Variants in UNC79 observed in about 807,000 individuals in gnomAD.
UNC79 encodes protein unc-79 homolog.
In UNC79, 37 loss-of-function variants were observed where a neutral mutation model predicts 283.1. The ratio of observed to expected loss-of-function variants is 0.13; its 90% confidence interval spans 0.10 to 0.17. The LOEUF is 0.17. UNC79 is among the 10% of genes least tolerant of loss of function. UNC79 has a pLI of 1.00. For synonymous variants in UNC79, 1,107 were observed against 1,200.2 expected (o/e 0.92, Z 1.61); for missense variants, 2,272 against 3,211.1 (o/e 0.71, Z 7.07).
At chr14:93,458,650 C>G (rs1472236647) in intron 1 of UNC79, among the ~76,000 whole-genome samples, 1 of 152,106 alleles carries the variant, frequency 6.6e-6, no homozygotes, top group Non-Finnish European at 1.5e-5. Context: ...CTTGAAATTA[C>G]TTATTAGTGT....
chr14:93,551,231 A>G (rs925436263), intron 14 of UNC79, among the ~76,000 whole-genome samples: 6 of 152,094 alleles, frequency 3.9e-5, no homozygotes, highest in Admixed American at 6.6e-5. Flanking sequence ...CTGTATTTTT[A>G]GTAGAGACGG....
chr14:93,434,052 A>G (rs1039888684), intron 1 of UNC79, among the ~76,000 whole-genome samples: 1 of 152,054 alleles, frequency 6.6e-6, no homozygotes, highest in South Asian at 2.1e-4. Flanking sequence ...CATCTCTACT[A>G]AAAATACAAA....
Position 93,654,089 on chromosome 14 carries a change from G to A in UNC79, c.6282+64G>A, listed in dbSNP as rs2070632433. 2.1e-6 allele frequency: 3 copies of A among 1,456,050 alleles called. No homozygotes were observed. In the Admixed American group the frequency reaches 5.2e-5, roughly 25 times the overall value. The allele number at this position is 1,456,050 out of a possible 1,614,324, so 90.2% of individuals were successfully genotyped here. Reference sequence around the variant, plus strand: ...ACTCTAAGCCCCAGCACAACTGTGGGCTGTGTTTCTTTGAGTCACACCATA... The same window carrying A: ...ACTCTAAGCCCCAGCACAACTGTGGACTGTGTTTCTTTGAGTCACACCATA... On this transcript the variant is annotated intron_variant, in intron 37 of 48. Coordinates refer to ENST00000555664, the Ensembl canonical transcript of UNC79.
chr14:93,633,663 T>G (rs1484691044), intron 31 of UNC79, among the ~76,000 whole-genome samples: 3 of 152,200 alleles, frequency 2.0e-5, no homozygotes, highest in African/African-American at 7.2e-5. Context: ...TGGTAGGGAT[T>G]GGTGGGACTG....
At chr14:93,501,144 G>A (rs2059262614) in intron 7 of UNC79, among the ~76,000 whole-genome samples, 1 of 152,092 alleles carries the variant, frequency 6.6e-6, no homozygotes, top group Admixed American at 6.5e-5. Context: ...GGCCAACGTG[G>A]TGAAACCCTA....
In UNC79 at chr14:93,430,957, A is replaced by C. The variant is rs1186734557; in HGVS notation, c.-73A>C. On this transcript the variant is annotated 5_prime_UTR_variant, in exon 1 of 49. Coordinates refer to ENST00000555664, the Ensembl canonical transcript of UNC79. This position sits in a 1 kb window ranked among gnomAD's most constrained non-coding sequence, Gnocchi z 4.6. The stretch of plus-strand genomic sequence containing the variant: ...GGGGGGTATGCACTCTTTTCCTCGC[A>C]ACATCGCTGGCGGAGCGAGGGAGCT... The C allele has an allele frequency of 1.4e-6, 1 of 693,606 alleles. No homozygotes were observed. The highest frequency in any genetic ancestry group is 2.6e-6 in the Non-Finnish European group (1 of 379,612). 43.0% of individuals were successfully genotyped at this position (693,606 alleles called of 1,614,324 possible).
intron 7 of UNC79, among the ~76,000 whole-genome samples, chr14:93,511,123 A>G (rs2059802417): frequency 6.6e-6 from 1 of 152,152 alleles, no homozygotes; most frequent in Non-Finnish European, 1.5e-5. Context: ...GGTGCCACGC[A>G]CTTTTAGACA....
In UNC79 at chr14:93,584,845, C is replaced by T. The variant is rs370445490; in HGVS notation, c.2804-1751C>T. Among the ~76,000 whole-genome samples, 18 of 151,724 alleles carry T rather than the reference C, an allele frequency of 1.2e-4. 1 individual carries two copies. The South Asian group carries it at 3.6e-3, about 30-fold the overall frequency. ...CTGACTAGCTGGGACTACAGGCACC[C>T]ACCACCACTCTGGCTAAGTTTTTTT... is the stretch of plus-strand genomic sequence containing the variant. On this transcript the variant is annotated intron_variant, in intron 20 of 48. Transcript: ENST00000555664.
At chr14:93,472,590 C>T (rs1442374572) in intron 2 of UNC79, among the ~76,000 whole-genome samples, 1 of 152,030 alleles carries the variant, frequency 6.6e-6, no homozygotes, top group African/African-American at 2.4e-5. Flanking sequence ...CAAAGGAAAT[C>T]GAGGTAAATT....
chr14:93,573,469 C>G (rs560755752), intron 16 of UNC79, among the ~76,000 whole-genome samples: 1 of 152,240 alleles, frequency 6.6e-6, no homozygotes, highest in South Asian at 2.1e-4. Context: ...ATGGCACACG[C>G]TTGTATTTAA....
intron 35 of UNC79, among the ~76,000 whole-genome samples, chr14:93,652,485 C>T (rs1265043593): frequency 6.6e-6 from 1 of 152,182 alleles, no homozygotes; most frequent in African/African-American, 2.4e-5. Context: ...GTCTCCAACT[C>T]TTAGGCTCAT....
intron 23 of UNC79, among the ~76,000 whole-genome samples, chr14:93,594,789 G>A (rs1458836229): frequency 6.6e-6 from 1 of 152,236 alleles, no homozygotes; most frequent in South Asian, 2.1e-4. Context: ...TTCCATTCTC[G>A]GGGTAGCAGG....
Position 93,704,566 on chromosome 14 carries a change from G to A in UNC79, c.7549-59G>A, listed in dbSNP as rs1464385188. ...TGGCCTGTTTTCCCTTGCAATGAGC[G>A]AAGCTTTGTGGGAGAATAGAGGACA... is the stretch of plus-strand genomic sequence containing the variant. On this transcript the variant is annotated intron_variant, in intron 47 of 48. Transcript: ENST00000555664. The A allele has an allele frequency of 8.8e-6, 14 of 1,591,100 alleles. No individual in the cohort carries two copies. In the South Asian group the frequency reaches 1.1e-4, roughly 13 times the overall value.
At chr14:93,625,541 T>A (rs1411093492) in intron 30 of UNC79, among the ~76,000 whole-genome samples, 2 of 152,226 alleles carry the variant, frequency 1.3e-5, no homozygotes, top group Non-Finnish European at 2.9e-5. Flanking sequence ...CTCACACCCA[T>A]GGTCACATTG....
intron 41 of UNC79, among the ~76,000 whole-genome samples, chr14:93,681,461 T>C (rs960370067): frequency 1.2e-4 from 19 of 152,248 alleles, no homozygotes; most frequent in Admixed American, 1.2e-3. Flanking sequence ...GATAATATGC[T>C]GGTTTCTGTT....
intron 31 of UNC79, among the ~76,000 whole-genome samples, chr14:93,632,045 G>A (rs745651810): frequency 2.0e-5 from 3 of 152,196 alleles, no homozygotes; most frequent in Non-Finnish European, 1.5e-5. Context: ...TATAGATTAG[G>A]TAATTGAGAT....
chr14:93,348,761 G>C (rs2053921081), intron 1 of UNC79, among the ~76,000 whole-genome samples: 1 of 152,152 alleles, frequency 6.6e-6, no homozygotes, highest in African/African-American at 2.4e-5. Context: ...CTGTTATCAT[G>C]GGCAACATAG....
intron 7 of UNC79, among the ~76,000 whole-genome samples, chr14:93,499,833 G>A (rs184098990): frequency 6.6e-6 from 1 of 152,192 alleles, no homozygotes; most frequent in East Asian, 1.9e-4. Flanking sequence ...CATTTAAGCT[G>A]ATACCTGAAG....
chr14:93,334,150 G>T (rs2053522887), intron 1 of UNC79, among the ~76,000 whole-genome samples: 1 of 152,174 alleles, frequency 6.6e-6, no homozygotes, highest in Non-Finnish European at 1.5e-5. Context: ...ACCATCTCTT[G>T]ACCCTCCATT....
Sources: allele counts gnomAD v4.1 joint callset (sites outside exome capture counted in the v4.1 genomes callset), GRCh38; gene constraint gnomAD v4.1.1; non-coding constraint Gnocchi (gnomAD v3.1); transcripts MANE v1.5; gene names NCBI Gene and HGNC (gene_info 2026-07-23, HGNC 2026-07-21).